The following NAALADL2 variants were observed in gnomAD, a reference collection of about 807,000 sequenced individuals.
NAALADL2 encodes the protein N-acetylated alpha-linked acidic dipeptidase like 2, also known as inactive N-acetylated-alpha-linked acidic dipeptidase-like protein 2.
NAALADL2 carries 76 observed loss-of-function variants against 87.2 expected under a neutral mutation model. The ratio of observed to expected loss-of-function variants is 0.87; its 90% CI spans 0.72 to 1.05. The LOEUF (loss-of-function observed/expected upper bound fraction) is 1.05. Ranked by LOEUF, NAALADL2 falls within the 50% of genes least tolerant of loss-of-function variation. The pLI is 0.00. For missense variants in NAALADL2, 1,089 were observed against 945.8 expected (o/e 1.15, Z -1.99); for synonymous variants, 354 against 331.0 (o/e 1.07, Z -0.75).
intron 2 of NAALADL2, among the ~76,000 whole-genome samples, chr3:174,686,689 G>A (rs1728074607): frequency 6.6e-6 from 1 of 151,956 alleles, no homozygotes; most frequent in Admixed American, 6.6e-5. Flanking sequence ...CAAGCAATGG[G>A]GAAAGAATTA....
chr3:175,799,727 T>C (rs1429302952), intron 13 of NAALADL2, among the ~76,000 whole-genome samples: 1 of 152,178 alleles, frequency 6.6e-6, no homozygotes, highest in Non-Finnish European at 1.5e-5. Flanking sequence ...TCACTAATTC[T>C]CACTATTTAA....
chr3:174,768,190 GGAT>G lies in NAALADL2; in HGVS notation c.-9+30448_-9+30450del, dbSNP rs1313471915. Reference sequence around the variant, plus strand: ...TTCGTTTTGCTTTCTTTGAGTTGGAGGATGATAAATTGTTTTGGAGAGGAAGTG... The same window carrying G: ...TTCGTTTTGCTTTCTTTGAGTTGGAGGATAAATTGTTTTGGAGAGGAAGTG... On this transcript the variant is annotated intron_variant, in intron 3 of 3. Coordinates refer to the NAALADL2 transcript ENST00000434257. Among the ~76,000 whole-genome samples, 3 of 152,096 alleles carry G rather than the reference GGAT, an allele frequency of 2.0e-5. No homozygotes were observed. The South Asian group carries it at 6.2e-4, about 31-fold the overall frequency.
chr3:175,069,882 AATC>A (rs1715283932), intron 1 of NAALADL2, among the ~76,000 whole-genome samples: 1 of 149,424 alleles, frequency 6.7e-6, no homozygotes, highest in South Asian at 2.1e-4. Context: ...TGAAATTGGA[AATC>A]ATCATTCTCA....
At chr3:175,605,645 T>TTTTTTGTTG (rs1190356322) in intron 10 of NAALADL2, among the ~76,000 whole-genome samples, 2,403 of 33,162 alleles carry the variant, frequency 0.072, 79 homozygotes, top group Admixed American at 0.28. Context: ...TGCTTGTTTT[T>TTTTTTGTTG]TTTTTTTTTT....
intron 3 of NAALADL2, among the ~76,000 whole-genome samples, chr3:174,821,280 C>T (rs182774659): frequency 6.6e-6 from 1 of 152,060 alleles, no homozygotes; most frequent in African/African-American, 2.4e-5. Context: ...TAATATTTAA[C>T]TCCTCATTTA....
chr3:175,423,521 G>GT (rs1368136909), intron 5 of NAALADL2, among the ~76,000 whole-genome samples: 1 of 150,696 alleles, frequency 6.6e-6, no homozygotes, highest in Non-Finnish European at 1.5e-5. Flanking sequence ...GCGGTATTTG[G>GT]TTTTTTGTCC....
At chr3:175,058,277 A>G (rs1259561007) in intron 1 of NAALADL2, among the ~76,000 whole-genome samples, 1 of 152,228 alleles carries the variant, frequency 6.6e-6, no homozygotes, top group African/African-American at 2.4e-5. Context: ...CTGTCAATCA[A>G]TTCTAGTAAC....
At position 175,365,852 on chromosome 3, in the gene NAALADL2, A is replaced by C. The variant is rs949116864; in HGVS notation, c.1090+41527A>C. On this transcript the variant is annotated intron_variant, in intron 5 of 13. Transcript: ENST00000454872. ...GAAAATAGTTACATTTTTTTTAAGC[A>C]TCTGAACTTTATTATCTTTTTTTAA... Among the ~76,000 whole-genome samples, 22 of 147,436 alleles carry C rather than the reference A, an allele frequency of 1.5e-4. 1 individual carries two copies. The South Asian group carries it at 1.6e-3, about 10-fold the overall frequency.
intron 3 of NAALADL2, among the ~76,000 whole-genome samples, chr3:174,743,175 T>C (rs1021789223): frequency 2.0e-5 from 3 of 151,778 alleles, no homozygotes; most frequent in African/African-American, 7.2e-5. Flanking sequence ...TTTAGACTTG[T>C]TGGAATTAGA....
intron 1 of NAALADL2, among the ~76,000 whole-genome samples, chr3:174,520,836 A>G (rs1433287056): frequency 6.6e-6 from 1 of 152,184 alleles, no homozygotes; most frequent in African/African-American, 2.4e-5. Context: ...TCCAGAATCT[A>G]CAAGGAACTC....
Position 175,183,130 on chromosome 3 carries a change from T to A in NAALADL2, c.546-50801T>A, listed in dbSNP as rs144369242. Among the ~76,000 whole-genome samples the A allele has an allele frequency of 3.7e-3, 563 of 152,214 alleles. 2 individuals carry two copies. The highest frequency in any genetic ancestry group is 0.013 in the African/African-American group (520 of 41,556). On this transcript the variant is annotated intron_variant, in intron 2 of 13. Coordinates refer to ENST00000454872, the MANE Select transcript of NAALADL2 (RefSeq NM_207015.3). ...TATTGAATCTGTGGATTGCTTTGGG[T>A]ATTATGAACATTTTAACATTATCAT...
chr3:174,989,016 A>G (rs193115362), intron 1 of NAALADL2, among the ~76,000 whole-genome samples: 90 of 152,314 alleles, frequency 5.9e-4, no homozygotes, highest in Admixed American at 1.6e-3. Flanking sequence ...GAAAGTGAAG[A>G]GGAACTGATG....
At chr3:175,399,085 C>T (rs1468980501) in intron 5 of NAALADL2, among the ~76,000 whole-genome samples, 4 of 151,304 alleles carry the variant, frequency 2.6e-5, no homozygotes, top group Admixed American at 2.0e-4. Flanking sequence ...TTTTTTTTAA[C>T]CTAGGTACTT....
chr3:174,789,173 C>T (rs1426831077), intron 3 of NAALADL2, among the ~76,000 whole-genome samples: 1 of 152,160 alleles, frequency 6.6e-6, no homozygotes, highest in African/African-American at 2.4e-5. Context: ...ACCAGTGGTA[C>T]ATGCACAGAA....
rs6791773 is a variant in NAALADL2, at chr3:174,895,446, C to T, written c.43+35996C>T. On this transcript the variant is annotated intron_variant, in intron 1 of 13. Coordinates refer to ENST00000454872, the MANE Select transcript of NAALADL2 (RefSeq NM_207015.3). ...AAATCTAGCAGAAACTGACAAATTACTAGATACATGCAACCTACCAAGATT... is the reference window on the plus strand; with the variant it reads ...AAATCTAGCAGAAACTGACAAATTATTAGATACATGCAACCTACCAAGATT... 7.5e-3 allele frequency among the ~76,000 whole-genome samples: 1,144 copies of T among 152,200 alleles called. 18 individuals are homozygous for T. Among genetic ancestry groups the T allele is most frequent in the African/African-American group, 0.027 (1,115 of 41,532 alleles).
chr3:174,743,689 G>C (rs78276553), intron 3 of NAALADL2, among the ~76,000 whole-genome samples: 14 of 151,760 alleles, frequency 9.2e-5, no homozygotes, highest in Admixed American at 3.9e-4. Flanking sequence ...AATTAGAATA[G>C]AATATTATGT....
chr3:175,354,816 T>G (rs1445987840), intron 5 of NAALADL2, among the ~76,000 whole-genome samples: 1 of 150,752 alleles, frequency 6.6e-6, no homozygotes, highest in Non-Finnish European at 1.5e-5. Flanking sequence ...CTATGCCCAG[T>G]TGCATATATT....
chr3:175,218,050 A>G (rs1042614599), intron 2 of NAALADL2: 1 of 422,436 alleles, frequency 2.4e-6, no homozygotes, highest in African/African-American at 2.1e-5. Context: ...GTGAATTTCA[A>G]TGTTTTTTTT....
intron 5 of NAALADL2, among the ~76,000 whole-genome samples, chr3:175,425,872 C>G (rs1034466226): frequency 6.6e-6 from 1 of 151,716 alleles, no homozygotes; most frequent in Admixed American, 6.6e-5. Flanking sequence ...TCTAATGTAT[C>G]CCCTTGTTTT....
Sources: gnomAD v4.1 joint callset for allele counts (sites outside exome capture counted in the v4.1 genomes callset) on GRCh38, gnomAD v4.1.1 for gene constraint, MANE v1.5 for transcripts, NCBI Gene and HGNC (gene_info 2026-07-23, HGNC 2026-07-21) for gene names.